Variants in CDK19 observed in about 807,000 individuals in gnomAD.
CDK19 encodes cyclin dependent kinase 19, also known as cyclin-dependent kinase 19.
A neutral mutation model predicts 68.3 loss-of-function variants in CDK19; 20 were observed. The ratio of observed to expected loss-of-function variants is 0.29; its 90% CI spans 0.21 to 0.43. The LOEUF is 0.43. CDK19 is among the 20% of genes least tolerant of loss of function. The probability of loss-of-function intolerance (pLI) is 1.00; values close to 1 mark genes in which losing one functional copy is unlikely to be tolerated. For synonymous variants in CDK19, 221 were observed against 222.8 expected (o/e 0.99, Z 0.07); for missense variants, 339 against 623.5 (o/e 0.54, Z 4.86).
At position 110,626,814 on chromosome 6, in the gene CDK19, T is replaced by C. The variant is rs938064580; in HGVS notation, c.822A>G (p.Pro274=). 1 of 1,583,668 alleles carries C rather than the reference T, an allele frequency of 6.3e-7. No homozygotes were observed. Among genetic ancestry groups the C allele is most frequent in the Non-Finnish European group, 8.6e-7 (1 of 1,160,164 alleles). ...AGTCTTTTTGAAGTGTGGGATATTCTGGCATCTTTCTAATATCTTCCCAGT... is the reference window on the plus strand; with the variant it reads ...AGTCTTTTTGAAGTGTGGGATATTCCGGCATCTTTCTAATATCTTCCCAGT... ...DKDWEDIRKM[P]EYPTLQKDFR... Residue 274 remains proline, a synonymous_variant, in exon 8 of 13, where the codon CCA becomes CCG. Coordinates refer to ENST00000368911, the MANE Select transcript of CDK19 (RefSeq NM_015076.5).
At chr6:110,623,838 A>G (rs946185959) in intron 8 of CDK19, among the ~76,000 whole-genome samples, 4 of 147,860 alleles carry the variant, frequency 2.7e-5, no homozygotes, top group African/African-American at 9.8e-5. Context: ...ACACATATAT[A>G]TACACATATA....
In CDK19 at chr6:110,771,605, G is replaced by C. The variant is rs564095209; in HGVS notation, c.129-25404C>G. Among the ~76,000 whole-genome samples the C allele has an allele frequency of 1.5e-3, 226 of 152,276 alleles. 1 individual carries two copies. Among genetic ancestry groups the C allele is most frequent in the Non-Finnish European group, 3.0e-3 (202 of 68,022 alleles). Reference sequence around the variant, plus strand: ...CCATTGTCTTGGGAATTAACATTCTGCTCCTCGTTACTTATGCTAATTTTT... The same window carrying C: ...CCATTGTCTTGGGAATTAACATTCTCCTCCTCGTTACTTATGCTAATTTTT... On this transcript the variant is annotated intron_variant, in intron 1 of 12. Transcript: ENST00000368911.
chr6:110,691,679 G>A (rs1562201782), intron 2 of CDK19, among the ~76,000 whole-genome samples: 4 of 150,040 alleles, frequency 2.7e-5, no homozygotes, highest in South Asian at 4.3e-4. Context: ...ATGGAGTCTC[G>A]CTCTGTCGCC....
At chr6:110,637,049 G>C (rs1156434137) in intron 5 of CDK19, among the ~76,000 whole-genome samples, 1 of 150,490 alleles carries the variant, frequency 6.6e-6, no homozygotes, top group Non-Finnish European at 1.5e-5. Flanking sequence ...AGAGCCTCAG[G>C]ACTTAGAATT....
chr6:110,764,611 A>C (rs1181328920), intron 1 of CDK19, among the ~76,000 whole-genome samples: 1 of 152,198 alleles, frequency 6.6e-6, no homozygotes, highest in Non-Finnish European at 1.5e-5. Context: ...CACAAAAATT[A>C]ACTCAAAATG....
intron 2 of CDK19, among the ~76,000 whole-genome samples, chr6:110,684,592 T>C (rs993263336): frequency 1.3e-5 from 2 of 152,170 alleles, no homozygotes; most frequent in African/African-American, 4.8e-5. Flanking sequence ...TTTCTTAACA[T>C]CTTACCCATG....
At chr6:110,683,174 CAAAAAAAAAAAAA>C (rs58912406) in intron 2 of CDK19, among the ~76,000 whole-genome samples, 1 of 49,578 alleles carries the variant, frequency 2.0e-5, no homozygotes. Flanking sequence ...AGACTGTCTC[CAAAAAAAAAAAAA>C]AAAAAAAAAA....
At chr6:110,780,307 T>G (rs1780712014) in intron 1 of CDK19, among the ~76,000 whole-genome samples, 1 of 150,706 alleles carries the variant, frequency 6.6e-6, no homozygotes, top group Admixed American at 6.6e-5. Context: ...GAAGAATCAC[T>G]TGAACCTGGG....
intron 1 of CDK19, among the ~76,000 whole-genome samples, chr6:110,775,844 T>C (rs1290283197): frequency 6.6e-6 from 1 of 152,224 alleles, no homozygotes; most frequent in African/African-American, 2.4e-5. Flanking sequence ...TAAAATCTGA[T>C]GACACGTCAA....
chr6:110,693,642 C>T (rs941896343), intron 2 of CDK19, among the ~76,000 whole-genome samples: 2 of 152,168 alleles, frequency 1.3e-5, no homozygotes, highest in African/African-American at 4.8e-5. Flanking sequence ...TCCCCTACTT[C>T]CCTGGTGACC....
At chr6:110,748,513 C>CA (rs1164004646) in intron 1 of CDK19, among the ~76,000 whole-genome samples, 3 of 152,148 alleles carry the variant, frequency 2.0e-5, no homozygotes, top group African/African-American at 7.2e-5. Context: ...AAAGAAAGTA[C>CA]ATATATCATT....
chr6:110,669,917 G>A (rs1248008443), intron 3 of CDK19, among the ~76,000 whole-genome samples: 1 of 151,792 alleles, frequency 6.6e-6, no homozygotes, highest in Admixed American at 6.6e-5. Context: ...CAGCACTTTG[G>A]GAGGCCGAGG....
intron 2 of CDK19, among the ~76,000 whole-genome samples, chr6:110,708,782 T>C (rs1774719380): frequency 6.6e-6 from 1 of 152,226 alleles, no homozygotes. Context: ...GGGTGAAAGA[T>C]GACTCACCAC....
At chr6:110,648,995 G>A (rs903312898) in intron 4 of CDK19, among the ~76,000 whole-genome samples, 12 of 151,950 alleles carry the variant, frequency 7.9e-5, no homozygotes, top group Non-Finnish European at 1.8e-4. Flanking sequence ...TACAGGCATG[G>A]GCCACTGTGC....
At chr6:110,809,690 CTT>C (rs755992492) in intron 1 of CDK19, among the ~76,000 whole-genome samples, 5 of 152,094 alleles carry the variant, frequency 3.3e-5, no homozygotes, top group Non-Finnish European at 5.9e-5. Flanking sequence ...AGTAAATAAA[CTT>C]GCGTTTTTAA....
At chr6:110,643,221 T>C (rs1562151947) in intron 4 of CDK19, 1 of 1,285,478 alleles carries the variant, frequency 7.8e-7, no homozygotes. Context: ...AAACAATACA[T>C]TTTCCAGCTA....
At chr6:110,737,400 T>G (rs982516879) in intron 2 of CDK19, among the ~76,000 whole-genome samples, 3 of 152,250 alleles carry the variant, frequency 2.0e-5, no homozygotes, top group African/African-American at 7.2e-5. Flanking sequence ...TTAAATCACC[T>G]TCTGACAATA....
intron 1 of CDK19, among the ~76,000 whole-genome samples, chr6:110,752,409 A>C (rs1778531761): frequency 1.3e-5 from 2 of 152,314 alleles, no homozygotes; most frequent in Admixed American, 1.3e-4. Flanking sequence ...TTCTAGTTTG[A>C]ATAGTCTTTT....
intron 4 of CDK19, among the ~76,000 whole-genome samples, chr6:110,660,868 A>G (rs1781578485): frequency 6.6e-6 from 1 of 152,216 alleles, no homozygotes; most frequent in African/African-American, 2.4e-5. Context: ...ACAGGGATGT[A>G]AGTTCTCACT....
Sources: allele counts gnomAD v4.1 joint callset (sites outside exome capture counted in the v4.1 genomes callset), GRCh38; gene constraint gnomAD v4.1.1; transcripts MANE v1.5; gene names NCBI Gene and HGNC (gene_info 2026-07-23, HGNC 2026-07-21).